PCM1: variants seen among roughly 807,000 people sequenced by gnomAD.
The protein encoded by PCM1 is pericentriolar material 1 protein.
A neutral mutation model predicts 241.9 loss-of-function variants in PCM1; 157 were observed. The ratio of observed to expected loss-of-function variants is 0.65; its 90% CI spans 0.57 to 0.74. The LOEUF is 0.74. Ranked by LOEUF, PCM1 falls within the 30% of genes least tolerant of loss-of-function variation. PCM1 has a pLI of 0.00. For synonymous variants in PCM1, 1,085 were observed against 784.9 expected (o/e 1.38, Z -6.39); for missense variants, 3,478 against 2,360.1 (o/e 1.47, Z -9.81).
chr8:17,998,262 G>A (rs918328045), intron 29 of PCM1, among the ~76,000 whole-genome samples: 1 of 152,062 alleles, frequency 6.6e-6, no homozygotes, highest in African/African-American at 2.4e-5. Context: ...GTTTGTTGGT[G>A]TCTGGGCATT....
intron 32 of PCM1, 57 bp downstream of exon 32, chr8:18,010,725 G>A (rs1168461198): frequency 3.7e-5 from 48 of 1,283,444 alleles, no homozygotes; most frequent in Admixed American, 1.1e-4. Flanking sequence ...GCTCACCCCC[G>A]TAATCGCAGC....
chr8:18,026,786 A>G (rs891368486), intron 38 of PCM1, among the ~76,000 whole-genome samples: 1 of 151,934 alleles, frequency 6.6e-6, no homozygotes, highest in Admixed American at 6.6e-5. Context: ...TGTTCCATCA[A>G]CTTTGGTCAT....
intron 17 of PCM1, 72 bp downstream of exon 17, chr8:17,963,363 A>G (rs1002481684): frequency 8.2e-6 from 9 of 1,094,606 alleles, no homozygotes; most frequent in Non-Finnish European, 1.2e-5. Flanking sequence ...CTAGGCAGCC[A>G]CATTTCTCCT....
At chr8:17,967,934 G>C (rs529414557) in intron 21 of PCM1, among the ~76,000 whole-genome samples, 1 of 152,088 alleles carries the variant, frequency 6.6e-6, no homozygotes, top group African/African-American at 2.4e-5. Flanking sequence ...GAGTGACACT[G>C]ATCCTTTAAG....
intron 29 of PCM1, among the ~76,000 whole-genome samples, chr8:17,998,205 C>T (rs1277910814): frequency 2.0e-5 from 3 of 151,702 alleles, no homozygotes; most frequent in Admixed American, 6.6e-5. Flanking sequence ...ATTTTTGGTC[C>T]CTTTGTTGAG....
chr8:17,968,730 A>ATGTGTGTGTGTGTGTGTGTG (rs551909289), intron 21 of PCM1, among the ~76,000 whole-genome samples: 15 of 134,702 alleles, frequency 1.1e-4, no homozygotes, highest in African/African-American at 4.4e-4. Context: ...GGATGTATAT[A>ATGTGTGTGTGTGTGTGTGTG]TGTGTGTGTG....
chr8:17,989,747 G>T (rs1428195815), intron 26 of PCM1, 112 bp from the exon 27 acceptor site: 2 of 744,606 alleles, frequency 2.7e-6, no homozygotes, highest in Middle Eastern at 4.0e-4. Flanking sequence ...GGAAACTTAT[G>T]AATATCTTTT....
chr8:18,014,979 C>A, intron 36 of PCM1, 139 bp downstream of exon 36: 1 of 719,174 alleles, frequency 1.4e-6, no homozygotes, highest in Non-Finnish European at 2.2e-6. Context: ...CTAATTCACA[C>A]TTTAACTTTA....
chr8:17,994,811 G>A (rs985731670), intron 29 of PCM1, among the ~76,000 whole-genome samples: 1 of 150,930 alleles, frequency 6.6e-6, no homozygotes, highest in Non-Finnish European at 1.5e-5. Context: ...TTATGTGCCT[G>A]TTTGCCATTT....
Position 18,029,637 on chromosome 8 carries a change from G to A in PCM1, c.*1975G>A, listed in dbSNP as rs565362768. 5 of 201,342 alleles carry A rather than the reference G, an allele frequency of 2.5e-5. No individual in the cohort carries two copies. Among genetic ancestry groups the A allele is most frequent in the South Asian group, 3.8e-4 (2 of 5,270 alleles). The allele number at this position is 201,342 out of a possible 1,614,324, so 12.5% of individuals were successfully genotyped here. On this transcript the variant is annotated 3_prime_UTR_variant, in exon 39 of 39. Coordinates refer to ENST00000325083, the MANE Select transcript of PCM1 (RefSeq NM_006197.4). ...CTAAGTCTATTGTTTTTCTATTTTAGTAGATAATTTAGTTTTAAAATACGT... is the reference window on the plus strand; with the variant it reads ...CTAAGTCTATTGTTTTTCTATTTTAATAGATAATTTAGTTTTAAAATACGT...
At position 17,967,184 on chromosome 8, in the gene PCM1, C is replaced by A; in HGVS notation, c.3412+14C>A. The A allele has an allele frequency of 6.5e-7, 1 of 1,545,722 alleles. No homozygotes were observed. The highest frequency in any genetic ancestry group is 1.2e-5 in the South Asian group (1 of 83,352). Reference sequence around the variant, plus strand: ...CATTTGCACCAGGTAGGTGACTTAACCTAAAGAGAAAATAAATAAAAGCAA... The same window carrying A: ...CATTTGCACCAGGTAGGTGACTTAAACTAAAGAGAAAATAAATAAAAGCAA... On this transcript the variant is annotated intron_variant, in intron 21 of 38. Transcript: ENST00000325083.
At chr8:17,939,047 A>T in intron 5 of PCM1, 38 bp downstream of exon 5, 1 of 1,604,278 alleles carries the variant, frequency 6.2e-7, no homozygotes, top group South Asian at 1.1e-5. Flanking sequence ...TCTTTACACA[A>T]ACCTCAAAAT....
rs150236636 is a variant in PCM1, at chr8:17,982,883, A to G, written c.4108+2128A>G. On this transcript the variant is annotated intron_variant, in intron 24 of 38. Transcript: ENST00000325083. ...TACTTTTTGTAACTGTACTCATAAC[A>G]TATGATTATTAGAGTATAGCATAAT... 3.3e-3 allele frequency among the ~76,000 whole-genome samples: 506 copies of G among 152,284 alleles called. 3 individuals carry two copies. The highest frequency in any genetic ancestry group is 0.011 in the African/African-American group (461 of 41,568).
At chr8:18,010,789 T>C (rs572617779) in intron 32 of PCM1, 121 bp downstream of exon 32, 1 of 634,428 alleles carries the variant, frequency 1.6e-6, no homozygotes, top group African/African-American at 1.9e-5. Flanking sequence ...CAGACCAGCC[T>C]GGCCAACATG....
At chr8:17,929,639 C>T (rs748058584) in intron 2 of PCM1, among the ~76,000 whole-genome samples, 4 of 152,174 alleles carry the variant, frequency 2.6e-5, no homozygotes, top group Non-Finnish European at 5.9e-5. Context: ...TATCTTTTAA[C>T]TCTACTATCC....
chr8:17,972,717 C>G (rs762129202), intron 23 of PCM1, 30 bp downstream of exon 23: 5 of 1,373,076 alleles, frequency 3.6e-6, no homozygotes, highest in Non-Finnish European at 4.9e-6. Context: ...GAATGTTGAT[C>G]AGTGTAAATT....
intron 34 of PCM1, among the ~76,000 whole-genome samples, chr8:18,012,148 C>G (rs879796675): frequency 2.6e-5 from 4 of 152,108 alleles, no homozygotes; most frequent in Non-Finnish European, 5.9e-5. Flanking sequence ...ACATGAGCCA[C>G]CACACCCATC....
rs975437584 is a variant in PCM1, at chr8:17,954,448, G to GA, written c.1289-1015dup. Among the ~76,000 whole-genome samples, 20 of 148,724 alleles carry GA rather than the reference G, an allele frequency of 1.3e-4. No individual in the cohort carries two copies. In the South Asian group the frequency reaches 3.4e-3, roughly 26 times the overall value. On this transcript the variant is annotated intron_variant, in intron 9 of 38. Coordinates refer to ENST00000325083, the MANE Select transcript of PCM1 (RefSeq NM_006197.4). ...ATCTCAAAAAAAAAAAAAAAGAAAA[G>GA]AAAAAAACAACTTAACATGTGAAAG...
At position 18,006,330 on chromosome 8, in the gene PCM1, C is replaced by G; in HGVS notation, c.4895C>G (p.Thr1632Ser). 1 of 1,612,910 alleles carries G rather than the reference C, an allele frequency of 6.2e-7. No individual in the cohort carries two copies. Among genetic ancestry groups the G allele is most frequent in the Non-Finnish European group, 8.5e-7 (1 of 1,179,152 alleles). Residue 1632 changes from threonine (T) to serine (S), a missense_variant, in exon 30 of 39, where the codon ACC (threonine) becomes AGC (serine). Coordinates refer to ENST00000325083, the MANE Select transcript of PCM1 (RefSeq NM_006197.4). ...TSVRRMVLTL[T>S]QQNDESKEFV... ...GTAAGGCGCATGGTTTTGACCCTTA[C>G]CCAGCAAAATGATGAGAGCAAAGAG... is the stretch of plus-strand genomic sequence containing the variant.
Sources: allele counts gnomAD v4.1 joint callset (sites outside exome capture counted in the v4.1 genomes callset), GRCh38; gene constraint gnomAD v4.1.1; transcripts MANE v1.5; gene names NCBI Gene and HGNC (gene_info 2026-07-23, HGNC 2026-07-21).